BCL2L14: variants seen among roughly 807,000 people sequenced by gnomAD.
BCL2L14 encodes BCL2 like 14.
A neutral mutation model predicts 35.3 loss-of-function variants in BCL2L14; 27 were observed. That is an observed-to-expected ratio of 0.76 (90% CI 0.56 to 1.05). The LOEUF (loss-of-function observed/expected upper bound fraction) is 1.05. BCL2L14 is among the 50% of genes least tolerant of loss of function. BCL2L14 has a pLI of 0.00. For missense variants in BCL2L14, 377 were observed against 382.6 expected (o/e 0.99, Z 0.12); for synonymous variants, 139 against 145.9 (o/e 0.95, Z 0.34).
intron 2 of BCL2L14, among the ~76,000 whole-genome samples, chr12:12,059,256 G>A (rs533748510): frequency 6.6e-6 from 1 of 151,530 alleles, no homozygotes; most frequent in Non-Finnish European, 1.5e-5. Flanking sequence ...TCTGGGGGAG[G>A]GGCAAGTACC....
upstream of BCL2L14, among the ~76,000 whole-genome samples, chr12:12,068,815 C>A (rs1024500078): frequency 6.6e-6 from 1 of 152,102 alleles, no homozygotes; most frequent in African/African-American, 2.4e-5. Context: ...GGTTATTAAG[C>A]AAGTTAAGGA....
intron 2 of BCL2L14, among the ~76,000 whole-genome samples, chr12:12,062,366 T>C (rs889083429): frequency 2.7e-5 from 4 of 146,700 alleles, no homozygotes; most frequent in Admixed American, 1.3e-4. Context: ...GCTTGATTTA[T>C]TGATGGCGGT....
At chr12:12,058,439 G>A (rs557547199) in intron 2 of BCL2L14, among the ~76,000 whole-genome samples, 8 of 150,944 alleles carry the variant, frequency 5.3e-5, no homozygotes, top group South Asian at 2.1e-4. Context: ...TAGTAGAGAC[G>A]GGGTTTCAGA....
chr12:12,090,869 G>A lies in BCL2L14; in HGVS notation c.678+20G>A. The A allele has an allele frequency of 1.3e-6, 2 of 1,584,458 alleles. No individual in the cohort carries two copies. Among genetic ancestry groups the A allele is most frequent in the East Asian group, 2.3e-5 (1 of 43,876 alleles). The stretch of plus-strand genomic sequence containing the variant: ...AGAAAGGTATGGAACACCTTGAACT[G>A]ATGCGATTGATTTCTGTGCCCATGC... On this transcript the variant is annotated intron_variant, in intron 4 of 5. Coordinates refer to ENST00000308721, the MANE Select transcript of BCL2L14 (RefSeq NM_138723.2).
Position 12,094,702 on chromosome 12 carries a change from T to C in BCL2L14, c.717T>C (p.Asp239=), listed in dbSNP as rs753588720. 1 of 1,614,218 alleles carries C rather than the reference T, an allele frequency of 6.2e-7. No individual in the cohort carries two copies. Among genetic ancestry groups the C allele is most frequent in the Admixed American group, 1.7e-5 (1 of 60,028 alleles). The stretch of plus-strand genomic sequence containing the variant: ...AGGCTTTGATGGGCCACTTCCAGGA[T>C]GGGCTGTCCTACTCTGTTTTCAAGA... ...KDKALMGHFQ[D]GLSYSVFKTI... The change falls in exon 5 of 6, where the codon GAT becomes GAC. Residue 239 remains aspartate (D), a synonymous_variant. Coordinates refer to ENST00000308721, the MANE Select transcript of BCL2L14 (RefSeq NM_138723.2).
chr12:12,057,126 A>G (rs1454900946), intron 2 of BCL2L14, among the ~76,000 whole-genome samples: 1 of 152,254 alleles, frequency 6.6e-6, no homozygotes, highest in Admixed American at 6.5e-5. Context: ...TAGTCAGATA[A>G]GAAATACCGA....
intron 1 of BCL2L14, among the ~76,000 whole-genome samples, chr12:12,074,124 CATG>C (rs1948729570): frequency 1.3e-5 from 2 of 152,144 alleles, no homozygotes; most frequent in Admixed American, 6.6e-5. Flanking sequence ...ATATTAGTCT[CATG>C]ATATTTGGGA....
chr12:12,079,186 A>G, intron 1 of BCL2L14, 113 bp from the exon 2 acceptor site: 1 of 916,008 alleles, frequency 1.1e-6, no homozygotes, highest in Non-Finnish European at 1.7e-6. Context: ...CTCCAGCACA[A>G]ACACAATAGA....
chr12:12,096,053 C>G (rs1356368838), intron 5 of BCL2L14: 1 of 985,190 alleles, frequency 1.0e-6, no homozygotes, highest in African/African-American at 1.7e-5. Flanking sequence ...CCCCAACAAC[C>G]CCCTTGAGCC....
At chr12:12,087,163 C>T (rs1485154345) in intron 2 of BCL2L14, 50 bp from the exon 3 acceptor site, 1 of 1,588,420 alleles carries the variant, frequency 6.3e-7, no homozygotes, top group Non-Finnish European at 8.6e-7. Flanking sequence ...ACCAATGAGC[C>T]AGATGAAGTT....
At chr12:12,061,831 T>C (rs2909004) in intron 2 of BCL2L14, among the ~76,000 whole-genome samples, 124,944 of 152,094 alleles carry the variant, frequency 0.82, 51,441 homozygotes, top group East Asian at 0.91. Flanking sequence ...ATAATTCTCA[T>C]AAAAACACAC....
intron 2 of BCL2L14, among the ~76,000 whole-genome samples, chr12:12,059,330 C>A (rs1948487025): frequency 6.6e-6 from 1 of 151,356 alleles, no homozygotes; most frequent in Non-Finnish European, 1.5e-5. Flanking sequence ...AAACCCCCAA[C>A]CCCTTATCCT....
At chr12:12,075,437 T>C (rs7971768) in intron 1 of BCL2L14, among the ~76,000 whole-genome samples, 26 of 66,420 alleles carry the variant, frequency 3.9e-4, no homozygotes, top group South Asian at 1.8e-3. Flanking sequence ...TTCTTTCTTT[T>C]TTTTTTGAGA....
chr12:12,094,638 C>T, intron 4 of BCL2L14, 26 bp from the exon 5 acceptor site: 2 of 1,614,168 alleles, frequency 1.2e-6, no homozygotes, highest in South Asian at 2.2e-5. Context: ...AGCTACTGTA[C>T]TGAGTGCTTA....
At chr12:12,080,113 G>A (rs1441934271) in intron 2 of BCL2L14, among the ~76,000 whole-genome samples, 2 of 151,976 alleles carry the variant, frequency 1.3e-5, no homozygotes, top group Non-Finnish European at 2.9e-5. Flanking sequence ...GCTGAGGCAG[G>A]AGAATGGCGT....
intron 4 of BCL2L14, among the ~76,000 whole-genome samples, chr12:12,092,091 G>A (rs1204142642): frequency 6.6e-6 from 1 of 152,132 alleles, no homozygotes; most frequent in Non-Finnish European, 1.5e-5. Flanking sequence ...CAACCTCAAG[G>A]GCTCTTTACA....
chr12:12,059,114 G>C (rs951440795), intron 2 of BCL2L14, among the ~76,000 whole-genome samples: 4 of 152,174 alleles, frequency 2.6e-5, no homozygotes, highest in South Asian at 2.1e-4. Context: ...TCACGGACTG[G>C]GAATGCAGCC....
chr12:12,069,696 AG>A (rs1379250746), upstream of BCL2L14, among the ~76,000 whole-genome samples: 2 of 133,684 alleles, frequency 1.5e-5, no homozygotes, highest in Admixed American at 1.6e-4. Flanking sequence ...CGACAGAGCA[AG>A]ACTCCGTCTC....
In BCL2L14 at chr12:12,079,467, C is replaced by T. The variant is rs1948861845; in HGVS notation, c.162C>T (p.Ser54=). 1 of 1,614,176 alleles carries T rather than the reference C, an allele frequency of 6.2e-7. No homozygotes were observed. Among genetic ancestry groups the T allele is most frequent in the Non-Finnish European group, 8.5e-7 (1 of 1,180,050 alleles). ...AGCTGCTGAGAACAAGAAGTTTGTC[C>T]CAGAGGGGCCTGGGGAATTGTTCAG... The part of the protein sequence containing the change: ...SPKLLRTRSL[S]QRGLGNCSAN... The change falls in exon 2 of 6, where the codon TCC becomes TCT. Residue 54 remains serine (S), a synonymous_variant. Transcript: ENST00000308721.
Sources: allele counts gnomAD v4.1 joint callset (sites outside exome capture counted in the v4.1 genomes callset), GRCh38; gene constraint gnomAD v4.1.1; transcripts MANE v1.5; gene names NCBI Gene and HGNC (gene_info 2026-07-23, HGNC 2026-07-21).